The following FRY variants were observed in gnomAD, a reference collection of about 807,000 sequenced individuals.
FRY encodes the protein protein furry homolog.
FRY carries 128 observed loss-of-function variants against 348.4 expected under a neutral mutation model. The ratio of observed to expected loss-of-function variants is 0.37; its 90% CI spans 0.32 to 0.43. FRY has a LOEUF of 0.43. Among genes scored for constraint, FRY ranks in the 20% least tolerant of loss-of-function variants. The pLI is 1.00. For missense variants in FRY, 2,736 were observed against 3,695.2 expected (o/e 0.74, Z 6.73); for synonymous variants, 1,370 against 1,374.7 (o/e 1.00, Z 0.08).
chr13:32,144,473 G>T (rs1880279450), intron 11 of FRY, among the ~76,000 whole-genome samples: 1 of 151,232 alleles, frequency 6.6e-6, no homozygotes, highest in African/African-American at 2.4e-5. Context: ...AGAACAAAAG[G>T]AAATGTAGAA....
At chr13:32,243,002 G>T (rs1184788733) in intron 46 of FRY, among the ~76,000 whole-genome samples, 1 of 151,968 alleles carries the variant, frequency 6.6e-6, no homozygotes, top group African/African-American at 2.4e-5. Context: ...GATTTTTTAT[G>T]ATTATAAAAG....
intron 7 of FRY, 21 bp from the exon 8 acceptor site, chr13:32,131,651 C>A (rs749630257): frequency 1.1e-5 from 17 of 1,599,544 alleles, no homozygotes; most frequent in Non-Finnish European, 1.5e-5. Context: ...ATTTGATAAA[C>A]CACTTATGTT....
At chr13:32,187,760 C>A in intron 28 of FRY, 104 bp downstream of exon 28, 1 of 720,006 alleles carries the variant, frequency 1.4e-6, no homozygotes, top group Non-Finnish European at 2.6e-6. Context: ...CTTCACACAT[C>A]AGCCACACAA....
intron 17 of FRY, among the ~76,000 whole-genome samples, chr13:32,165,142 T>C (rs1354363789): frequency 1.3e-5 from 2 of 152,252 alleles, no homozygotes; most frequent in Non-Finnish European, 2.9e-5. Context: ...CCCAAATTTA[T>C]AGAATTTTCC....
At chr13:32,192,892 C>T (rs1041434280) in intron 28 of FRY, among the ~76,000 whole-genome samples, 7 of 151,864 alleles carry the variant, frequency 4.6e-5, no homozygotes, top group Non-Finnish European at 7.4e-5. Flanking sequence ...TACAGGCGCA[C>T]ACCACCATGT....
At chr13:32,086,707 C>T (rs150007629) in intron 2 of FRY, among the ~76,000 whole-genome samples, 269 of 151,912 alleles carry the variant, frequency 1.8e-3, no homozygotes, top group Middle Eastern at 0.014. Context: ...GATTTTGAAA[C>T]CTGGAAAAAC....
At chr13:32,078,705 G>A in intron 1 of FRY, 129 bp from the exon 2 acceptor site, 2 of 783,958 alleles carry the variant, frequency 2.6e-6, no homozygotes, top group South Asian at 2.8e-5. Flanking sequence ...AAAGAATAAG[G>A]CCAGGTTATA....
intron 35 of FRY, among the ~76,000 whole-genome samples, chr13:32,218,515 C>T (rs2138386968): frequency 6.6e-6 from 1 of 152,120 alleles, no homozygotes; most frequent in East Asian, 1.9e-4. Flanking sequence ...CCTGTCTCTA[C>T]TAAAAATACA....
Position 32,239,354 on chromosome 13 carries a change from G to C in FRY, c.6516+5G>C. The C allele has an allele frequency of 4.5e-6, 7 of 1,550,394 alleles. No homozygotes were observed. The highest frequency in any genetic ancestry group is 6.2e-6 in the Non-Finnish European group (7 of 1,121,926). On this transcript the variant is annotated splice_donor_5th_base_variant and intron_variant, in intron 45 of 60. Coordinates refer to ENST00000542859, the MANE Select transcript of FRY (RefSeq NM_023037.3). The surrounding 1 kb of genome is among the most constrained non-coding windows in gnomAD (Gnocchi z 4.3). ...ATAGCCGAAAGGATTGCTCAGGTATGAGTTACAGTTCCACACTCAGGCAGA... is the reference window on the plus strand; with the variant it reads ...ATAGCCGAAAGGATTGCTCAGGTATCAGTTACAGTTCCACACTCAGGCAGA...
chr13:32,122,395 T>A (rs536829336), intron 4 of FRY, among the ~76,000 whole-genome samples: 1 of 149,096 alleles, frequency 6.7e-6, no homozygotes, highest in East Asian at 2.0e-4. Context: ...GTGAGCAAGA[T>A]GGCACCACTG....
In FRY at chr13:32,296,308, A is replaced by G. The variant is rs1395346208; in HGVS notation, c.*848A>G. Reference sequence around the variant, plus strand: ...CACAAGATAAATTCCAAGTCTTTTCACCTGTCAGGCATGCATATTTTAATA... The same window carrying G: ...CACAAGATAAATTCCAAGTCTTTTCGCCTGTCAGGCATGCATATTTTAATA... On this transcript the variant is annotated 3_prime_UTR_variant, in exon 61 of 61. Transcript: ENST00000542859. 2 of 152,594 alleles carry G rather than the reference A, an allele frequency of 1.3e-5. No homozygotes were observed. The highest frequency in any genetic ancestry group is 3.8e-4 in the East Asian group (2 of 5,202). The allele number at this position is 152,594 out of a possible 1,614,324, so 9.5% of individuals were successfully genotyped here. A position where few individuals can be genotyped will look rare whatever the true frequency, so the allele number is the denominator to read the frequency against.
chr13:32,199,566 A>T (rs1181176410), intron 29 of FRY, among the ~76,000 whole-genome samples: 2 of 152,312 alleles, frequency 1.3e-5, no homozygotes, highest in East Asian at 3.9e-4. Flanking sequence ...GATAAGATTA[A>T]CAATTGGGAG....
intron 29 of FRY, among the ~76,000 whole-genome samples, chr13:32,196,065 T>C (rs920976155): frequency 8.5e-5 from 13 of 152,210 alleles, no homozygotes; most frequent in South Asian, 2.1e-4. Context: ...AGTACTTTTT[T>C]ACAAAACCAA....
At chr13:32,070,182 A>G (rs913400382) in intron 1 of FRY, among the ~76,000 whole-genome samples, 3 of 152,214 alleles carry the variant, frequency 2.0e-5, no homozygotes, top group Admixed American at 1.3e-4. Flanking sequence ...ATACATGTGC[A>G]TGTGTCCTTA....
chr13:32,078,873 C>T lies in FRY; in HGVS notation c.110C>T (p.Pro37Leu). 6.2e-7 allele frequency: 1 copy of T among 1,614,144 alleles called. No homozygotes were observed. The highest frequency in any genetic ancestry group is 8.5e-7 in the Non-Finnish European group (1 of 1,179,992). Residue 37 changes from proline to leucine, a missense_variant, in exon 2 of 61, where the codon CCA (proline) becomes CTA (leucine). Physicochemically the swap from Pro to Leu is moderately conservative, Grantham distance 98 (BLOSUM62 -3). Around this residue, in one of 9 missense-constraint regions of FRY, gnomAD observed 309 missense variants for 418.1 expected, o/e 0.74. Transcript: ENST00000542859. Reference protein sequence around the residue: ...VGNGYIKPPVPPASGTHREKG... With the variant: ...VGNGYIKPPVLPASGTHREKG... Reference sequence around the variant, plus strand: ...AACGGTTACATCAAGCCTCCGGTTCCACCTGCTTCTGGCACGCACAGGGAG... The same window carrying T: ...AACGGTTACATCAAGCCTCCGGTTCTACCTGCTTCTGGCACGCACAGGGAG...
At chr13:32,275,222 CA>C (rs770397293) in intron 56 of FRY, 18,438 of 205,922 alleles carry the variant, frequency 0.09, 16 homozygotes, top group South Asian at 0.19. Context: ...ATTAAAAATA[CA>C]AAAAAAAAAA....
At chr13:32,238,039 C>G (rs1886307244) in intron 44 of FRY, 53 bp downstream of exon 44, 4 of 1,590,776 alleles carry the variant, frequency 2.5e-6, no homozygotes, top group East Asian at 2.2e-5. Flanking sequence ...CTGTGTTCAT[C>G]ATTTGGTACA....
In FRY at chr13:32,078,934, C is replaced by A. The variant is rs1298188235; in HGVS notation, c.171C>A (p.Asp57Glu). ...CAACCATGCTACCCATCAATGTGGA[C>A]CCAGACAGTAAACCAGGAGAATATG... is the stretch of plus-strand genomic sequence containing the variant. ...GPPTMLPINV[D>E]PDSKPGEYVL... Residue 57 changes from aspartate (D) to glutamate (E), a missense_variant, in exon 2 of 61, where the codon GAC becomes GAA. Around this residue, in one of 9 missense-constraint regions of FRY, gnomAD observed 309 missense variants for 418.1 expected, o/e 0.74. Transcript: ENST00000542859. 6.2e-7 allele frequency: 1 copy of A among 1,613,594 alleles called. No homozygotes were observed. The highest frequency in any genetic ancestry group is 1.1e-5 in the South Asian group (1 of 91,070).
chr13:32,182,934 G>A, intron 23 of FRY, 43 bp from the exon 24 acceptor site: 1 of 1,312,954 alleles, frequency 7.6e-7, no homozygotes, highest in African/African-American at 1.4e-5. Context: ...CAAGTTTGGT[G>A]TCAAAAACAA....
Sources: gnomAD v4.1 joint callset for allele counts (sites outside exome capture counted in the v4.1 genomes callset) on GRCh38, gnomAD v4.1.1 for gene constraint, gnomAD v4.1.1 regional missense constraint, Gnocchi (gnomAD v3.1) non-coding constraint, MANE v1.5 for transcripts, NCBI Gene and HGNC (gene_info 2026-07-23, HGNC 2026-07-21) for gene names.